The following ZFHX3 variants were observed in gnomAD, a reference collection of about 807,000 sequenced individuals.
The protein encoded by ZFHX3 is zinc finger homeobox protein 3.
In ZFHX3, 42 loss-of-function variants were observed where a neutral mutation model predicts 279.1. The ratio of observed to expected loss-of-function variants is 0.15; its 90% CI spans 0.12 to 0.19. The LOEUF (loss-of-function observed/expected upper bound fraction) is 0.19, where lower values mean the gene tolerates loss of function less well. Ranked by LOEUF, ZFHX3 falls within the 10% of genes least tolerant of loss-of-function variation. ZFHX3 has a pLI of 1.00. For synonymous variants in ZFHX3, 2,293 were observed against 1,957.8 expected (o/e 1.17, Z -4.52); for missense variants, 4,981 against 4,754.0 (o/e 1.05, Z -1.40).
chr16:72,968,276 C>T (rs1961942457), intron 1 of ZFHX3, among the ~76,000 whole-genome samples: 1 of 152,060 alleles, frequency 6.6e-6, no homozygotes, highest in Non-Finnish European at 1.5e-5. Flanking sequence ...AATGTCAGGG[C>T]CATGCAACGG....
chr16:73,400,306 T>C (rs1259796788), intron 3 of ZFHX3: 1 of 152,212 alleles, frequency 6.6e-6, no homozygotes, highest in Admixed American at 6.5e-5. Flanking sequence ...CCCCATTTTG[T>C]TTGTGCACAT....
intron 7 of ZFHX3, among the ~76,000 whole-genome samples, chr16:73,100,996 A>G (rs1966224492): frequency 6.6e-6 from 1 of 152,168 alleles, no homozygotes. Context: ...CCATGTCCTT[A>G]GGATCCACCA....
chr16:73,281,030 G>GA (rs1597259859), intron 4 of ZFHX3, among the ~76,000 whole-genome samples: 75 of 133,172 alleles, frequency 5.6e-4, no homozygotes, highest in Non-Finnish European at 7.9e-4. Context: ...GAGAGGAGAG[G>GA]GGAGGGGAGG....
Position 73,820,146 on chromosome 16 carries a change from G to C in ZFHX3, c.-1608+71505C>G, listed in dbSNP as rs555382294. 2.6e-3 allele frequency among the ~76,000 whole-genome samples: 402 copies of C among 152,250 alleles called. 2 individuals carry two copies. Among genetic ancestry groups the C allele is most frequent in the African/African-American group, 9.5e-3 (394 of 41,552 alleles). On this transcript the variant is annotated intron_variant, in intron 1 of 17. Coordinates refer to the ZFHX3 transcript ENST00000641206. ...GCTCTGTCGCCCAGGCTGGAGTGCA[G>C]TGGCACAATCTCAGCTCACTGCAAG...
chr16:73,062,719 CAA>C (rs34849067), upstream of ZFHX3, among the ~76,000 whole-genome samples: 239 of 143,102 alleles, frequency 1.7e-3, no homozygotes, highest in Admixed American at 3.0e-3. Context: ...GACACAGAAG[CAA>C]AAAAAAAAAA....
intron 5 of ZFHX3, among the ~76,000 whole-genome samples, chr16:73,174,927 G>A (rs560290706): frequency 2.0e-5 from 3 of 151,542 alleles, no homozygotes; most frequent in South Asian, 2.1e-4. Flanking sequence ...CCAGCTACTC[G>A]GGAGGCAGGA....
At chr16:73,451,782 T>C (rs1234734920) in intron 3 of ZFHX3, among the ~76,000 whole-genome samples, 1 of 152,194 alleles carries the variant, frequency 6.6e-6, no homozygotes, top group Non-Finnish European at 1.5e-5. Context: ...CGGAACTAAA[T>C]ACAGCAGAAA....
At chr16:73,380,344 G>A (rs972488116) in intron 3 of ZFHX3, among the ~76,000 whole-genome samples, 6 of 152,048 alleles carry the variant, frequency 3.9e-5, no homozygotes, top group Non-Finnish European at 7.4e-5. Context: ...AAGAACAGAG[G>A]GAATCCAAGA....
chr16:73,500,492 T>C (rs1344703222), intron 2 of ZFHX3, among the ~76,000 whole-genome samples: 1 of 151,880 alleles, frequency 6.6e-6, no homozygotes, highest in African/African-American at 2.4e-5. Flanking sequence ...CATGCCTGGC[T>C]AATTTTTCTA....
At chr16:73,036,214 G>T (rs1369865832) in intron 1 of ZFHX3, among the ~76,000 whole-genome samples, 9 of 152,210 alleles carry the variant, frequency 5.9e-5, no homozygotes, top group Non-Finnish European at 2.9e-5. Context: ...CACAGATGTG[G>T]CCCCTTTCCT....
At chr16:73,240,066 T>C (rs1458947423) in intron 5 of ZFHX3, among the ~76,000 whole-genome samples, 2 of 151,990 alleles carry the variant, frequency 1.3e-5, no homozygotes, top group African/African-American at 2.4e-5. Context: ...TCTATACATA[T>C]AGTTACTTAA....
chr16:73,874,641 T>G (rs2029894757), intron 1 of ZFHX3, among the ~76,000 whole-genome samples: 1 of 152,214 alleles, frequency 6.6e-6, no homozygotes, highest in Admixed American at 6.5e-5. Context: ...TTTTTTACAT[T>G]TGCTATTACA....
intron 4 of ZFHX3, among the ~76,000 whole-genome samples, chr16:73,290,737 A>G (rs1402586700): frequency 6.9e-6 from 1 of 144,890 alleles, no homozygotes; most frequent in Non-Finnish European, 1.5e-5. Context: ...TAGATAGAGG[A>G]GGAAAGAGCC....
At chr16:72,971,526 T>G (rs572632949) in intron 1 of ZFHX3, among the ~76,000 whole-genome samples, 1 of 152,288 alleles carries the variant, frequency 6.6e-6, no homozygotes, top group African/African-American at 2.4e-5. Flanking sequence ...TAGGTAAGCC[T>G]CCCTTACCAC....
chr16:73,402,897 T>TAA (rs67673404), intron 3 of ZFHX3, among the ~76,000 whole-genome samples: 1 of 141,934 alleles, frequency 7.0e-6, no homozygotes. Flanking sequence ...ATATGGAAAA[T>TAA]AAAAAAAAAA....
chr16:73,296,069 CGTGTGTGTGTGTGTGTGT>C (rs58283675), intron 4 of ZFHX3, among the ~76,000 whole-genome samples: 2 of 149,084 alleles, frequency 1.3e-5, no homozygotes, highest in Non-Finnish European at 3.0e-5. Flanking sequence ...ATTACAATCC[CGTGTGTGTGTGTGTGTGT>C]GTGTGTGTGT....
intron 2 of ZFHX3, among the ~76,000 whole-genome samples, chr16:73,534,096 T>C (rs995400480): frequency 3.9e-5 from 6 of 152,162 alleles, no homozygotes; most frequent in African/African-American, 1.4e-4. Context: ...GCCCATGTTC[T>C]TACAAGGGCC....
At chr16:72,941,354 G>A (rs1173010260) in intron 3 of ZFHX3, among the ~76,000 whole-genome samples, 2 of 152,146 alleles carry the variant, frequency 1.3e-5, no homozygotes, top group Non-Finnish European at 2.9e-5. Flanking sequence ...GGAACCACTG[G>A]AAGAAAACGG....
chr16:73,885,289 T>C (rs1347414552), intron 1 of ZFHX3, among the ~76,000 whole-genome samples: 1 of 152,184 alleles, frequency 6.6e-6, no homozygotes, highest in Non-Finnish European at 1.5e-5. Context: ...TATTTGCACA[T>C]CTGTGAAATA....
Sources: gnomAD v4.1 joint callset for allele counts (sites outside exome capture counted in the v4.1 genomes callset) on GRCh38, gnomAD v4.1.1 for gene constraint, MANE v1.5 for transcripts, NCBI Gene and HGNC (gene_info 2026-07-23, HGNC 2026-07-21) for gene names.